ADGRB3: variants seen among roughly 807,000 people sequenced by gnomAD.
The protein encoded by ADGRB3 is adhesion G protein-coupled receptor B3, also known as brain-specific angiogenesis inhibitor 3.
A neutral mutation model predicts 193.4 loss-of-function variants in ADGRB3; 37 were observed. The observed-to-expected ratio is 0.19, with a 90% CI of 0.15 to 0.25. The LOEUF (loss-of-function observed/expected upper bound fraction) is 0.25. Ranked by LOEUF, ADGRB3 falls within the 10% of genes least tolerant of loss-of-function variation. The pLI, the probability that ADGRB3 is intolerant of heterozygous loss-of-function variation, is 1.00. For synonymous variants in ADGRB3, 690 were observed against 644.2 expected, an observed-to-expected ratio of 1.07 and a Z score of -1.08; for missense variants, 1,637 against 1,852.9, an observed-to-expected ratio of 0.88 and a Z score of 2.14.
At chr6:68,920,611 T>C (rs1767015102) in intron 3 of ADGRB3, among the ~76,000 whole-genome samples, 1 of 146,962 alleles carries the variant, frequency 6.8e-6, no homozygotes, top group Non-Finnish European at 1.5e-5. Context: ...ATACTACGAG[T>C]GAGTAGAGAA....
At chr6:68,815,536 G>C (rs1454127651) in intron 3 of ADGRB3, among the ~76,000 whole-genome samples, 1 of 151,076 alleles carries the variant, frequency 6.6e-6, no homozygotes, top group Non-Finnish European at 1.5e-5. Context: ...GATAATCCAG[G>C]TATACTTTTA....
At chr6:69,007,832 G>C (rs999491664) in intron 11 of ADGRB3, among the ~76,000 whole-genome samples, 6 of 151,958 alleles carry the variant, frequency 3.9e-5, no homozygotes, top group African/African-American at 1.5e-4. Flanking sequence ...TGGTTAATTG[G>C]TAACGAATAA....
chr6:68,971,954 C>T (rs1034001041), intron 8 of ADGRB3, among the ~76,000 whole-genome samples: 1 of 152,264 alleles, frequency 6.6e-6, no homozygotes, highest in East Asian at 1.9e-4. Flanking sequence ...CTCTGTGGCC[C>T]GCTGGTGGGA....
At chr6:69,200,561 A>G (rs970394346) in intron 17 of ADGRB3, among the ~76,000 whole-genome samples, 1 of 152,130 alleles carries the variant, frequency 6.6e-6, no homozygotes, top group African/African-American at 2.4e-5. Context: ...CTACATTGCA[A>G]TTTTTACTTG....
Position 69,018,423 on chromosome 6 carries a change from G to A in ADGRB3, c.2031G>A (p.Val677=). Residue 677 remains valine, a synonymous_variant, in exon 13 of 32, where the codon GTG becomes GTA. Coordinates refer to ENST00000370598, the MANE Select transcript of ADGRB3 (RefSeq NM_001704.3). ...IYPGSIELMQ[V]IEDFIHIVGM... Reference sequence around the variant, plus strand: ...CAGGGTCAATAGAGTTAATGCAGGTGATTGAAGATTTTATACACATTGTTG... The same window carrying A: ...CAGGGTCAATAGAGTTAATGCAGGTAATTGAAGATTTTATACACATTGTTG... 1 of 1,608,142 alleles carries A rather than the reference G, an allele frequency of 6.2e-7. No individual in the cohort carries two copies. The highest frequency in any genetic ancestry group is 1.3e-5 in the African/African-American group (1 of 74,814).
chr6:69,226,673 A>T (rs1766022463), intron 17 of ADGRB3, among the ~76,000 whole-genome samples: 1 of 152,222 alleles, frequency 6.6e-6, no homozygotes, highest in African/African-American at 2.4e-5. Flanking sequence ...TTATTATTTG[A>T]TTTAAATGTT....
chr6:69,335,590 A>G (rs1311493079), intron 24 of ADGRB3, among the ~76,000 whole-genome samples: 1 of 152,138 alleles, frequency 6.6e-6, no homozygotes, highest in Non-Finnish European at 1.5e-5. Flanking sequence ...GTGTGATTGA[A>G]GGAAATTTTT....
intron 17 of ADGRB3, among the ~76,000 whole-genome samples, chr6:69,083,140 A>G (rs1030830749): frequency 2.0e-5 from 3 of 152,220 alleles, no homozygotes; most frequent in South Asian, 4.1e-4. Flanking sequence ...ATTTAAATCC[A>G]TATCTCCTCA....
chr6:69,326,860 G>A (rs1050452784), intron 21 of ADGRB3, among the ~76,000 whole-genome samples: 7 of 151,764 alleles, frequency 4.6e-5, no homozygotes, highest in African/African-American at 1.7e-4. Flanking sequence ...AGGATGAGGA[G>A]GGGACTATAT....
Position 69,311,819 on chromosome 6 carries a change from C to T in ADGRB3, c.2815-13053C>T, listed in dbSNP as rs186556288. 3.4e-3 allele frequency among the ~76,000 whole-genome samples: 511 copies of T among 151,838 alleles called. 2 individuals are homozygous for T. Among genetic ancestry groups the T allele is most frequent in the African/African-American group, 0.012 (480 of 41,484 alleles). On this transcript the variant is annotated intron_variant, in intron 20 of 31. Coordinates refer to ENST00000370598, the MANE Select transcript of ADGRB3 (RefSeq NM_001704.3). ...TTGATGCAATCAATTGTCTCTCACTCCTGATTCATCAATTTCTCCATGTGA... is the reference window on the plus strand; with the variant it reads ...TTGATGCAATCAATTGTCTCTCACTTCTGATTCATCAATTTCTCCATGTGA...
At chr6:68,790,363 A>G (rs1767076549) in intron 3 of ADGRB3, among the ~76,000 whole-genome samples, 1 of 152,190 alleles carries the variant, frequency 6.6e-6, no homozygotes, top group Non-Finnish European at 1.5e-5. Flanking sequence ...CTCTGGGGGC[A>G]GTTCACAGAC....
intron 3 of ADGRB3, among the ~76,000 whole-genome samples, chr6:68,763,596 T>C (rs952555603): frequency 1.3e-5 from 2 of 152,206 alleles, no homozygotes; most frequent in African/African-American, 4.8e-5. Flanking sequence ...ACATTTTAAA[T>C]GTTAACTAGA....
chr6:69,052,952 G>C (rs933818769), intron 15 of ADGRB3, among the ~76,000 whole-genome samples: 1 of 152,204 alleles, frequency 6.6e-6, no homozygotes, highest in Non-Finnish European at 1.5e-5. Flanking sequence ...TTGGGAGGCC[G>C]AGGCGGGTGG....
At chr6:68,911,176 C>A (rs945868788) in intron 3 of ADGRB3, among the ~76,000 whole-genome samples, 10 of 147,238 alleles carry the variant, frequency 6.8e-5, no homozygotes, top group African/African-American at 2.5e-4. Flanking sequence ...GACAAAAAAC[C>A]AAACACTGCA....
At chr6:68,955,998 T>C (rs1297159058) in intron 6 of ADGRB3, 26 bp from the exon 7 acceptor site, 3 of 1,607,802 alleles carry the variant, frequency 1.9e-6, no homozygotes, top group Non-Finnish European at 2.5e-6. Context: ...GATATCCTCA[T>C]GCTGTCTCTT....
At chr6:69,183,049 A>G (rs775633143) in intron 17 of ADGRB3, among the ~76,000 whole-genome samples, 55 of 152,116 alleles carry the variant, frequency 3.6e-4, no homozygotes, top group Non-Finnish European at 1.2e-4. Flanking sequence ...TACCCCTTAC[A>G]CACATTCTGC....
At chr6:69,383,462 A>G (rs879748992) in intron 31 of ADGRB3, among the ~76,000 whole-genome samples, 2 of 151,992 alleles carry the variant, frequency 1.3e-5, no homozygotes, top group Non-Finnish European at 2.9e-5. Flanking sequence ...TTACATTATT[A>G]TAATCTTAGT....
intron 20 of ADGRB3, among the ~76,000 whole-genome samples, chr6:69,314,821 C>G (rs1768278088): frequency 6.6e-6 from 1 of 151,410 alleles, no homozygotes; most frequent in South Asian, 2.1e-4. Flanking sequence ...GCTTCTGATT[C>G]TATTTTTATT....
chr6:69,211,466 C>T (rs1335633951), intron 17 of ADGRB3, among the ~76,000 whole-genome samples: 1 of 151,904 alleles, frequency 6.6e-6, no homozygotes, highest in Non-Finnish European at 1.5e-5. Flanking sequence ...GCATCTAGTG[C>T]CAAGTAACAT....
Sources: allele counts gnomAD v4.1 joint callset (sites outside exome capture counted in the v4.1 genomes callset), GRCh38; gene constraint gnomAD v4.1.1; transcripts MANE v1.5; gene names NCBI Gene and HGNC (gene_info 2026-07-23, HGNC 2026-07-21).